The following GRM8 variants were observed in gnomAD, a reference collection of about 807,000 sequenced individuals.
GRM8 encodes metabotropic glutamate receptor 8.
In GRM8, 47 loss-of-function variants were observed where a neutral mutation model predicts 87.2. The ratio of observed to expected loss-of-function variants is 0.54; its 90% confidence interval spans 0.43 to 0.69. The LOEUF is 0.69. Ranked by LOEUF, GRM8 falls within the 30% of genes least tolerant of loss-of-function variation. The pLI is 0.00. For synonymous variants in GRM8, 396 were observed against 404.5 expected (o/e 0.98, Z 0.25); for missense variants, 1,019 against 1,139.2 (o/e 0.89, Z 1.52).
At chr7:126,702,550 T>C (rs1810052419) in intron 7 of GRM8, among the ~76,000 whole-genome samples, 2 of 152,180 alleles carry the variant, frequency 1.3e-5, no homozygotes, top group African/African-American at 2.4e-5. Context: ...AGTCTCCTTA[T>C]TGTCAGACAG....
intron 3 of GRM8, among the ~76,000 whole-genome samples, chr7:126,926,624 C>G (rs967293265): frequency 6.6e-6 from 1 of 152,158 alleles, no homozygotes; most frequent in Non-Finnish European, 1.5e-5. Context: ...TATTTTCTTC[C>G]AGGACAAAAT....
At chr7:126,845,480 G>T (rs1796636202) in intron 6 of GRM8, among the ~76,000 whole-genome samples, 1 of 151,982 alleles carries the variant, frequency 6.6e-6, no homozygotes, top group South Asian at 2.1e-4. Context: ...ATACTTATCA[G>T]CATTTTTCCA....
intron 7 of GRM8, among the ~76,000 whole-genome samples, chr7:126,682,250 C>A (rs954008241): frequency 6.6e-6 from 1 of 152,172 alleles, no homozygotes; most frequent in Non-Finnish European, 1.5e-5. Context: ...ATCTGACACA[C>A]AATAGGCACT....
At chr7:127,111,613 C>T (rs999375333) in intron 2 of GRM8, among the ~76,000 whole-genome samples, 3 of 152,220 alleles carry the variant, frequency 2.0e-5, no homozygotes, top group Non-Finnish European at 2.9e-5. Context: ...AAAAGCCACA[C>T]CCTAGTCCAA....
intron 9 of GRM8, among the ~76,000 whole-genome samples, chr7:126,508,536 G>C (rs1014611033): frequency 2.0e-5 from 3 of 151,990 alleles, no homozygotes; most frequent in African/African-American, 7.2e-5. Context: ...TTTTGGAGGT[G>C]ACAAACATTC....
intron 3 of GRM8, among the ~76,000 whole-genome samples, chr7:126,916,033 A>G (rs565838179): frequency 6.6e-6 from 1 of 152,360 alleles, no homozygotes; most frequent in African/African-American, 2.4e-5. Context: ...AAAAAATACA[A>G]CAGGAAGATT....
intron 9 of GRM8, among the ~76,000 whole-genome samples, chr7:126,481,988 T>C (rs969892730): frequency 3.9e-5 from 6 of 152,002 alleles, no homozygotes; most frequent in Non-Finnish European, 5.9e-5. Flanking sequence ...TATTAAGAAA[T>C]GGGCAAAGGA....
At chr7:126,548,080 A>G (rs1371661280) in intron 8 of GRM8, among the ~76,000 whole-genome samples, 1 of 152,116 alleles carries the variant, frequency 6.6e-6, no homozygotes, top group Non-Finnish European at 1.5e-5. Flanking sequence ...TGTGCTGTCC[A>G]CCTAGACAGG....
At chr7:127,089,184 C>T (rs1376471161) in intron 3 of GRM8, among the ~76,000 whole-genome samples, 1 of 152,128 alleles carries the variant, frequency 6.6e-6, no homozygotes, top group Non-Finnish European at 1.5e-5. Context: ...GAGAAAATAA[C>T]AAATACACAG....
At chr7:126,614,017 T>C (rs934692428) in intron 7 of GRM8, among the ~76,000 whole-genome samples, 3 of 152,182 alleles carry the variant, frequency 2.0e-5, no homozygotes, top group Non-Finnish European at 2.9e-5. Flanking sequence ...TCTGACAGCT[T>C]TGAAGAGAGT....
intron 3 of GRM8, among the ~76,000 whole-genome samples, chr7:126,923,489 C>A (rs988919520): frequency 6.6e-6 from 1 of 152,084 alleles, no homozygotes; most frequent in African/African-American, 2.4e-5. Context: ...ATATTGTTTG[C>A]AATATAATAT....
chr7:126,643,320 ATATATATATATAT>A (rs1305045980), intron 7 of GRM8, among the ~76,000 whole-genome samples: 2 of 8,742 alleles, frequency 2.3e-4, no homozygotes, highest in Non-Finnish European at 3.8e-4. Context: ...AAAAAAAAAA[ATATATATATATAT>A]ATATATATAT....
intron 7 of GRM8, among the ~76,000 whole-genome samples, chr7:126,761,986 T>C (rs1044102569): frequency 6.6e-6 from 1 of 152,180 alleles, no homozygotes; most frequent in Non-Finnish European, 1.5e-5. Flanking sequence ...GCCTCTATCA[T>C]ATCACTTATC....
chr7:127,098,317 G>C (rs1443705191), intron 3 of GRM8, among the ~76,000 whole-genome samples: 1 of 152,074 alleles, frequency 6.6e-6, no homozygotes, highest in Non-Finnish European at 1.5e-5. Context: ...CCTGCTGGAA[G>C]TCATTTTCCC....
At chr7:126,516,142 C>T (rs1481710764) in intron 9 of GRM8, among the ~76,000 whole-genome samples, 1 of 152,010 alleles carries the variant, frequency 6.6e-6, no homozygotes, top group Non-Finnish European at 1.5e-5. Flanking sequence ...TATCAATCTA[C>T]TCTCATCAAC....
At chr7:126,929,760 G>A (rs187505290) in intron 3 of GRM8, among the ~76,000 whole-genome samples, 175 of 47,466 alleles carry the variant, frequency 3.7e-3, no homozygotes, top group Middle Eastern at 0.01. Flanking sequence ...ACAGCCACAT[G>A]AGGCTAGTGT....
chr7:126,626,825 G>C (rs980609088), intron 7 of GRM8, among the ~76,000 whole-genome samples: 1 of 152,124 alleles, frequency 6.6e-6, no homozygotes, highest in Non-Finnish European at 1.5e-5. Flanking sequence ...TTTGAAACCA[G>C]CCTGGGCAAC....
intron 7 of GRM8, among the ~76,000 whole-genome samples, chr7:126,665,479 C>G (rs886812021): frequency 5.3e-5 from 8 of 152,054 alleles, no homozygotes; most frequent in African/African-American, 1.9e-4. Flanking sequence ...AGGCCATTAT[C>G]CTAAGAAAAT....
chr7:126,646,550 G>A (rs1803118279), intron 7 of GRM8, among the ~76,000 whole-genome samples: 1 of 152,092 alleles, frequency 6.6e-6, no homozygotes, highest in African/African-American at 2.4e-5. Flanking sequence ...CAAACCAGGA[G>A]AGGCTTATCA....
Sources: allele counts gnomAD v4.1 joint callset (sites outside exome capture counted in the v4.1 genomes callset), GRCh38; gene constraint gnomAD v4.1.1; transcripts MANE v1.5; gene names NCBI Gene and HGNC (gene_info 2026-07-23, HGNC 2026-07-21).